The following ABCG2 variants were observed in gnomAD, a reference collection of about 807,000 sequenced individuals.
The protein encoded by ABCG2 is broad substrate specificity ATP-binding cassette transporter ABCG2.
ABCG2 carries 80 observed loss-of-function variants against 73.5 expected under a neutral mutation model. That is an observed-to-expected ratio of 1.09 (90% CI 0.91 to 1.31). The LOEUF is 1.31. ABCG2 is among the 50% of genes most tolerant of loss of function. The probability of loss-of-function intolerance (pLI) is 0.00; values close to 1 mark genes in which losing one functional copy is unlikely to be tolerated. For synonymous variants in ABCG2, 269 were observed against 282.4 expected (o/e 0.95, Z 0.48); for missense variants, 796 against 786.2 (o/e 1.01, Z -0.15).
intron 1 of ABCG2, among the ~76,000 whole-genome samples, chr4:88,166,853 A>T (rs1388191273): frequency 1.3e-5 from 2 of 152,202 alleles, no homozygotes; most frequent in East Asian, 3.9e-4. Context: ...GGTCACATGC[A>T]GATGGCAAAA....
At chr4:88,228,895 C>A (rs1278829147) in intron 1 of ABCG2, among the ~76,000 whole-genome samples, 1 of 121,492 alleles carries the variant, frequency 8.2e-6, no homozygotes, top group Non-Finnish European at 2.0e-5. Flanking sequence ...GTAAAATGCA[C>A]CAATCAGCAC....
intron 1 of ABCG2, among the ~76,000 whole-genome samples, chr4:88,196,798 A>AT (rs1374832286): frequency 6.6e-6 from 1 of 152,100 alleles, no homozygotes; most frequent in African/African-American, 2.4e-5. Flanking sequence ...AAAAAAAAAA[A>AT]AAATCCCCTT....
intron 11 of ABCG2, among the ~76,000 whole-genome samples, chr4:88,100,504 GT>G (rs1170977772): frequency 6.9e-6 from 1 of 144,212 alleles, no homozygotes; most frequent in Non-Finnish European, 1.5e-5. Context: ...GAGACTCTAT[GT>G]CAAAAAAAAA....
chr4:88,137,382 T>C (rs1247045237), intron 2 of ABCG2, among the ~76,000 whole-genome samples: 1 of 152,172 alleles, frequency 6.6e-6, no homozygotes, highest in Non-Finnish European at 1.5e-5. Context: ...ATAATGTCAG[T>C]TTATCTCTCC....
chr4:88,128,170 A>G (rs1181475075), intron 5 of ABCG2, among the ~76,000 whole-genome samples: 1 of 152,234 alleles, frequency 6.6e-6, no homozygotes, highest in African/African-American at 2.4e-5. Flanking sequence ...CATATGAAAA[A>G]AACTTCATCA....
chr4:88,214,220 C>T (rs2110125839), intron 1 of ABCG2, among the ~76,000 whole-genome samples: 1 of 151,312 alleles, frequency 6.6e-6, no homozygotes, highest in Middle Eastern at 3.5e-3. Flanking sequence ...ACTCGGGCTC[C>T]AGCAGTGTAC....
intron 1 of ABCG2, among the ~76,000 whole-genome samples, chr4:88,224,551 G>A (rs1031632936): frequency 7.9e-5 from 12 of 152,014 alleles, no homozygotes; most frequent in Non-Finnish European, 1.6e-4. Flanking sequence ...GAATGCAGTG[G>A]CGTGATCATG....
intron 1 of ABCG2, among the ~76,000 whole-genome samples, chr4:88,143,237 T>C (rs113866334): frequency 3.3e-5 from 5 of 152,268 alleles, no homozygotes; most frequent in Middle Eastern, 3.4e-3. Flanking sequence ...TCTCTAGAGA[T>C]AACTGTAATG....
chr4:88,148,618 A>G (rs1301103627), intron 1 of ABCG2, among the ~76,000 whole-genome samples: 1 of 152,216 alleles, frequency 6.6e-6, no homozygotes, highest in African/African-American at 2.4e-5. Flanking sequence ...TAGGAAATTA[A>G]TAACTTACAG....
intron 1 of ABCG2, among the ~76,000 whole-genome samples, chr4:88,224,450 A>ACAAAAAC (rs1453785736): frequency 1.3e-5 from 2 of 151,714 alleles, no homozygotes; most frequent in African/African-American, 4.8e-5. Flanking sequence ...AAAACAAAAA[A>ACAAAAAC]CAAAAAGCAG....
At chr4:88,146,319 A>G (rs554492249) in intron 1 of ABCG2, among the ~76,000 whole-genome samples, 1 of 139,896 alleles carries the variant, frequency 7.1e-6, no homozygotes, top group African/African-American at 2.5e-5. Context: ...CCAAAAAAAA[A>G]AAGTTTCCTT....
In ABCG2 at chr4:88,091,005, T is replaced by A. The variant is rs368624404; in HGVS notation, c.*1229A>T. On this transcript the variant is annotated 3_prime_UTR_variant, in exon 16 of 16. Coordinates refer to ENST00000237612, the MANE Select transcript of ABCG2 (RefSeq NM_004827.3). ...TAAAAAGTGGGGAGATAATTAAGTA[T>A]CAACCTATGCACACAGAAACACAAC... 3.3e-5 allele frequency: 5 copies of A among 152,236 alleles called. No homozygotes were observed. The highest frequency in any genetic ancestry group is 1.2e-4 in the African/African-American group (5 of 41,464). 9.4% of individuals were successfully genotyped at this position (152,236 alleles called of 1,614,324 possible). A position where few individuals can be genotyped will look rare whatever the true frequency, so the allele number is the denominator to read the frequency against.
intron 1 of ABCG2, among the ~76,000 whole-genome samples, chr4:88,178,539 T>C (rs1452872758): frequency 6.6e-6 from 1 of 152,058 alleles, no homozygotes; most frequent in Non-Finnish European, 1.5e-5. Context: ...AAAGGAGTAC[T>C]CTCAAGTGTA....
At position 88,121,778 on chromosome 4, in the gene ABCG2, A is replaced by C; in HGVS notation, c.546T>G (p.Phe182Leu). 1 of 1,612,662 alleles carries C rather than the reference A, an allele frequency of 6.2e-7. No individual in the cohort carries two copies. Among genetic ancestry groups the C allele is most frequent in the Non-Finnish European group, 8.5e-7 (1 of 1,179,580 alleles). Residue 182 changes from phenylalanine (F) to leucine (L), a missense_variant, in exon 6 of 16, where the codon TTT becomes TTG. By Grantham distance (22) the Phe-to-Leu change is conservative. Coordinates refer to ENST00000237612, the MANE Select transcript of ABCG2 (RefSeq NM_004827.3). ...KVADSKVGTQ[F>L]IRGVSGGERK... ...TTTCTCCTCCAGACACACCACGGATAAACTGAGTTCCAACCTAAATCACAA... is the reference window on the plus strand; with the variant it reads ...TTTCTCCTCCAGACACACCACGGATCAACTGAGTTCCAACCTAAATCACAA...
Position 88,097,556 on chromosome 4 carries a change from A to C in ABCG2, c.1544T>G (p.Met515Arg), listed in dbSNP as rs199806536. The C allele has an allele frequency of 8.7e-6, 14 of 1,614,208 alleles. No individual in the cohort carries two copies. The highest frequency in any genetic ancestry group is 8.3e-5 in the Admixed American group (5 of 60,028). Residue 515 changes from methionine (M) to arginine (R), a missense_variant, in exon 13 of 16, where the codon ATG becomes AGG. Met to Arg is a moderately conservative substitution (Grantham distance 91, BLOSUM62 -1). Transcript: ENST00000237612. ...AFFVMMFTLM[M>R]VAYSASSMAL... Reference sequence around the variant, plus strand: ...CATGGAACTGGCTGAATAAGCCACCATCATAAGGGTAAACATCATAACGAA... The same window carrying C: ...CATGGAACTGGCTGAATAAGCCACCCTCATAAGGGTAAACATCATAACGAA...
chr4:88,204,318 G>T (rs1291375108), intron 1 of ABCG2, among the ~76,000 whole-genome samples: 1 of 152,200 alleles, frequency 6.6e-6, no homozygotes. Context: ...CTACTCGGGA[G>T]GCTGAGGCAG....
chr4:88,132,217 G>A (rs574258516), intron 3 of ABCG2, among the ~76,000 whole-genome samples: 1 of 152,144 alleles, frequency 6.6e-6, no homozygotes, highest in Non-Finnish European at 1.5e-5. Flanking sequence ...TCTGACCTTG[G>A]AGGTACTAAC....
In ABCG2 at chr4:88,154,416, A is replaced by C. The variant is rs571057730; in HGVS notation, c.-20+3970T>G. On this transcript the variant is annotated intron_variant, in intron 1 of 15. Transcript: ENST00000237612. ...AGAGTCAGTATAAATATTGATGTGT[A>C]GTCCCTTTGCAAGAGCAAGGGCTTG... 4.7e-4 allele frequency among the ~76,000 whole-genome samples: 72 copies of C among 152,324 alleles called. 1 individual carries two copies. Among genetic ancestry groups the C allele is most frequent in the African/African-American group, 1.6e-3 (65 of 41,580 alleles).
rs1240795047 is a variant in ABCG2, at chr4:88,202,374, A to ATATATATATATG, written c.-20+28619_-20+28620insCATATATATATA. 3.5e-4 allele frequency among the ~76,000 whole-genome samples: 40 copies of ATATATATATATG among 115,742 alleles called. 1 individual carries two copies. Among genetic ancestry groups the ATATATATATATG allele is most frequent in the South Asian group, 1.1e-3 (4 of 3,598 alleles). 75.9% of individuals were successfully genotyped at this position (115,742 alleles called of 152,430 possible). A position where few individuals can be genotyped will look rare whatever the true frequency, so the allele number is the denominator to read the frequency against. ...ATTATTTATATATATATATATATATATATGTATATTTTAATTAGCTGGGCA... is the reference window on the plus strand; with the variant it reads ...ATTATTTATATATATATATATATATATATATATATATGTATGTATATTTTAATTAGCTGGGCA... On this transcript the variant is annotated intron_variant, in intron 1 of 15. Transcript: ENST00000515655.
Sources: gnomAD v4.1 joint callset for allele counts (sites outside exome capture counted in the v4.1 genomes callset) on GRCh38, gnomAD v4.1.1 for gene constraint, MANE v1.5 for transcripts, NCBI Gene and HGNC (gene_info 2026-07-23, HGNC 2026-07-21) for gene names.